The following USP25 variants were observed in gnomAD, a reference collection of about 807,000 sequenced individuals.
USP25 encodes ubiquitin carboxyl-terminal hydrolase 25.
In USP25, 85 loss-of-function variants were observed where a neutral mutation model predicts 158.5. The observed-to-expected ratio is 0.54, with a 90% confidence interval of 0.45 to 0.64. The LOEUF is 0.64. Ranked by LOEUF, USP25 falls within the 30% of genes least tolerant of loss-of-function variation. The pLI, the probability that USP25 is intolerant of heterozygous loss-of-function variation, is 0.00. For missense variants in USP25, 1,242 were observed against 1,327.3 expected, an observed-to-expected ratio of 0.94 and a Z score of 1.00; for synonymous variants, 464 against 460.4, an observed-to-expected ratio of 1.01 and a Z score of -0.10.
intron 17 of USP25, among the ~76,000 whole-genome samples, chr21:15,841,881 C>A (rs995887359): frequency 6.6e-6 from 1 of 152,080 alleles, no homozygotes; most frequent in South Asian, 2.1e-4. Flanking sequence ...TAGGAGATAT[C>A]GTGAATTTTT....
intron 18 of USP25, among the ~76,000 whole-genome samples, chr21:15,846,457 A>G (rs1287559854): frequency 6.6e-6 from 1 of 151,796 alleles, no homozygotes; most frequent in African/African-American, 2.4e-5. Flanking sequence ...CTACCACGCC[A>G]TGCCAAAAAT....
At chr21:15,849,951 A>G in intron 20 of USP25, 79 bp downstream of exon 20, 1 of 1,152,282 alleles carries the variant, frequency 8.7e-7, no homozygotes, top group Non-Finnish European at 1.2e-6. Flanking sequence ...CTTTGAATTC[A>G]GTTTGGTTTT....
chr21:15,855,011 A>G (rs1385982722), intron 20 of USP25, among the ~76,000 whole-genome samples: 1 of 152,240 alleles, frequency 6.6e-6, no homozygotes, highest in East Asian at 1.9e-4. Context: ...AGTTACTATG[A>G]TAAGCAAAAA....
At chr21:15,733,198 A>T (rs1232384539) in intron 1 of USP25, among the ~76,000 whole-genome samples, 2 of 119,336 alleles carry the variant, frequency 1.7e-5, no homozygotes, top group Non-Finnish European at 3.2e-5. Flanking sequence ...GGCAGTTATT[A>T]TTGGGAGGAG....
intron 20 of USP25, among the ~76,000 whole-genome samples, chr21:15,862,589 G>A (rs758517313): frequency 1.6e-5 from 2 of 128,122 alleles, no homozygotes; most frequent in South Asian, 2.4e-4. Flanking sequence ...TTTTTTTTCC[G>A]AATTTGGATA....
intron 1 of USP25, among the ~76,000 whole-genome samples, chr21:15,735,281 T>G (rs1305065414): frequency 3.3e-5 from 5 of 152,196 alleles, no homozygotes; most frequent in African/African-American, 1.2e-4. Context: ...AGCTGTGGAT[T>G]GAAAATATTC....
rs896248338 is a variant in USP25 at position 15,730,334 on chromosome 21, C to T, written c.-60C>T. 1.8e-6 allele frequency: 2 copies of T among 1,087,502 alleles called. No homozygotes were observed. The highest frequency in any genetic ancestry group is 2.2e-6 in the Non-Finnish European group (2 of 897,422). The allele number at this position is 1,087,502 out of a possible 1,614,324, so 67.4% of individuals were successfully genotyped here. A position where few individuals can be genotyped will look rare whatever the true frequency, so the allele number is the denominator to read the frequency against. On this transcript the variant is annotated 5_prime_UTR_variant, in exon 1 of 26. Transcript: ENST00000400183. ...CTCGGCGGAGCGCGGCAGCCAGGGC[C>T]GGCGGAGGCGCGAGGAGCCGGGCGC...
chr21:15,732,774 TAC>T (rs1006196263), intron 1 of USP25, among the ~76,000 whole-genome samples: 2 of 152,238 alleles, frequency 1.3e-5, no homozygotes, highest in African/African-American at 4.8e-5. Flanking sequence ...AGCACCACAC[TAC>T]ACAAAACTTT....
intron 10 of USP25, among the ~76,000 whole-genome samples, chr21:15,820,237 A>T (rs1431716680): frequency 6.6e-6 from 1 of 152,038 alleles, no homozygotes; most frequent in Non-Finnish European, 1.5e-5. Flanking sequence ...CAGGGATGGT[A>T]CTTGTTTTTA....
In USP25 at chr21:15,766,020, A is replaced by G. The variant is rs1467871984; in HGVS notation, c.147A>G (p.Leu49=). The part of the protein sequence containing the change: ...ALKDSNGNLE[L]AVAFLTAKNA... The stretch of plus-strand genomic sequence containing the variant: ...AGGATAGTAATGGAAACTTGGAATT[A>G]GCAGTGGCTTTCCTTACTGCGAAGA... The change falls in exon 3 of 26, where the codon TTA becomes TTG. Residue 49 remains leucine (L), a synonymous_variant. Transcript: ENST00000400183. This position sits in a 1 kb window ranked among gnomAD's most constrained non-coding sequence, Gnocchi z 4.0. The G allele has an allele frequency of 3.1e-6, 5 of 1,607,246 alleles. No individual in the cohort carries two copies. The highest frequency in any genetic ancestry group is 4.2e-6 in the Non-Finnish European group (5 of 1,176,768).
At chr21:15,752,321 T>G (rs1196425778) in intron 1 of USP25, among the ~76,000 whole-genome samples, 1 of 150,788 alleles carries the variant, frequency 6.6e-6, no homozygotes, top group Admixed American at 6.6e-5. Flanking sequence ...GTTCAAGCAA[T>G]TCTCCTGCCT....
At chr21:15,848,315 C>T (rs939805775) in intron 19 of USP25, among the ~76,000 whole-genome samples, 2 of 152,208 alleles carry the variant, frequency 1.3e-5, no homozygotes, top group East Asian at 3.9e-4. Context: ...CTTATCTCTT[C>T]ACTGTTAATT....
Position 15,827,034 on chromosome 21 carries a change from A to G in USP25, c.1524A>G (p.Ser508=), listed in dbSNP as rs2037541383. The G allele has an allele frequency of 1.9e-6, 3 of 1,614,158 alleles. No individual in the cohort carries two copies. Among genetic ancestry groups the G allele is most frequent in the Middle Eastern group, 1.6e-4 (1 of 6,062 alleles). ...SSELPSTSPS[S]VAAISSRSVI... is the part of the protein sequence containing the mutation. ...AACTGCCAAGCACATCACCTTCATC[A>G]GTTGCTGCCATTTCATCGAGATCAG... Residue 508 remains serine (S), a synonymous_variant, in exon 14 of 26, where the codon TCA becomes TCG. Coordinates refer to ENST00000400183, the MANE Select transcript of USP25 (RefSeq NM_001283041.3).
At chr21:15,736,427 A>G (rs1042030285) in intron 1 of USP25, among the ~76,000 whole-genome samples, 3 of 152,116 alleles carry the variant, frequency 2.0e-5, no homozygotes, top group Non-Finnish European at 4.4e-5. Flanking sequence ...GTCTTTTAGA[A>G]TTTAACCATG....
chr21:15,803,379 G>A (rs1197647560), intron 6 of USP25, among the ~76,000 whole-genome samples: 1 of 151,660 alleles, frequency 6.6e-6, no homozygotes, highest in Non-Finnish European at 1.5e-5. Flanking sequence ...ATTAAATCCT[G>A]CAATTATATA....
chr21:15,748,096 T>C (rs573534140), intron 1 of USP25, among the ~76,000 whole-genome samples: 2 of 152,220 alleles, frequency 1.3e-5, no homozygotes, highest in Non-Finnish European at 2.9e-5. Flanking sequence ...TCATTCCACT[T>C]GGGTTTGATT....
intron 9 of USP25, 95 bp from the exon 10 acceptor site, chr21:15,818,603 A>C (rs973343549): frequency 9.2e-7 from 1 of 1,087,834 alleles, no homozygotes; most frequent in Non-Finnish European, 1.3e-6. Context: ...AGTCAGTGTT[A>C]CAATTTTCAG....
Position 15,813,181 on chromosome 21 carries a change from A to G in USP25, c.931+1971A>G, listed in dbSNP as rs114225821. 3.7e-3 allele frequency among the ~76,000 whole-genome samples: 570 copies of G among 152,210 alleles called. 2 individuals carry two copies. Among genetic ancestry groups the G allele is most frequent in the African/African-American group, 0.013 (544 of 41,524 alleles). On this transcript the variant is annotated intron_variant, in intron 9 of 25. Transcript: ENST00000400183. ...GTGATACTGAGCTTCCGTGCTCCCA[A>G]TCCTATAACCCAACTTGTTCTGTGT...
rs1308567556 is a variant in USP25 at position 15,827,158 on chromosome 21, A to T, written c.1648A>T (p.Ser550Cys). The T allele has an allele frequency of 6.2e-7, 1 of 1,614,216 alleles. No homozygotes were observed. The highest frequency in any genetic ancestry group is 8.5e-7 in the Non-Finnish European group (1 of 1,180,032). The change falls in exon 14 of 26, where the codon AGT becomes TGT. Residue 550 changes from serine to cysteine, a missense_variant. Physicochemically the swap from Ser to Cys is moderately radical, Grantham distance 112. Transcript: ENST00000400183. ...ITEEELSVLE[S>C]CLHRWRTEIE... ...GGAGGAAGAACTTTCTGTGCTGGAAAGTTGTTTACATCGCTGGAGGACAGA... is the reference window on the plus strand; with the variant it reads ...GGAGGAAGAACTTTCTGTGCTGGAATGTTGTTTACATCGCTGGAGGACAGA...
Sources: gnomAD v4.1 joint callset for allele counts (sites outside exome capture counted in the v4.1 genomes callset) on GRCh38, gnomAD v4.1.1 for gene constraint, Gnocchi (gnomAD v3.1) non-coding constraint, MANE v1.5 for transcripts, NCBI Gene and HGNC (gene_info 2026-07-23, HGNC 2026-07-21) for gene names.